The following PCDH15 variants were observed in gnomAD, a reference collection of about 807,000 sequenced individuals.
PCDH15 encodes protocadherin related 15, also known as protocadherin-15.
In PCDH15, 129 loss-of-function variants were observed where a neutral mutation model predicts 178.5. The ratio of observed to expected loss-of-function variants is 0.72; its 90% confidence interval spans 0.63 to 0.84. The LOEUF is 0.84. Ranked by LOEUF, PCDH15 falls within the 40% of genes least tolerant of loss-of-function variation. The pLI is 0.00. For missense variants in PCDH15, 2,230 were observed against 2,099.9 expected, an observed-to-expected ratio of 1.06 and a Z score of -1.21; for synonymous variants, 800 against 732.0, an observed-to-expected ratio of 1.09 and a Z score of -1.50.
At position 54,307,077 on chromosome 10, in the gene PCDH15, TATAC is replaced by T. The variant is rs1482741418; in HGVS notation, c.876+10190_876+10193del. 5.0e-3 allele frequency among the ~76,000 whole-genome samples: 48 copies of T among 9,690 alleles called. 3 individuals are homozygous for T. The highest frequency in any genetic ancestry group is 0.011 in the East Asian group (3 of 270). 6.4% of individuals were successfully genotyped at this position (9,690 alleles called of 152,430 possible). Reference sequence around the variant, plus strand: ...ATATATATATATATATATATATATATATACATATATATATATGTGTGTGTGTGTA... The same window carrying T: ...ATATATATATATATATATATATATATATATATATATATGTGTGTGTGTGTA... On this transcript the variant is annotated intron_variant, in intron 8 of 37. Coordinates refer to ENST00000644397, the MANE Select transcript of PCDH15 (RefSeq NM_001384140.1).
upstream of PCDH15, among the ~76,000 whole-genome samples, chr10:55,321,620 C>A (rs1470520219): frequency 6.6e-6 from 1 of 152,088 alleles, no homozygotes; most frequent in Non-Finnish European, 1.5e-5. Context: ...GGACTGGTCA[C>A]CTACAAAGGG....
intron 3 of PCDH15, among the ~76,000 whole-genome samples, chr10:54,411,511 T>G (rs1277950905): frequency 6.6e-6 from 1 of 152,166 alleles, no homozygotes; most frequent in Non-Finnish European, 1.5e-5. Flanking sequence ...AGAAGATTAC[T>G]TAGTCTCTCT....
chr10:54,719,343 C>A (rs567015708), intron 1 of PCDH15, among the ~76,000 whole-genome samples: 2 of 151,994 alleles, frequency 1.3e-5, no homozygotes, highest in African/African-American at 2.4e-5. Flanking sequence ...AAAAACTTAA[C>A]AAAGCCTTTG....
At chr10:55,357,335 T>A (rs12775735) in intron 2 of PCDH15, among the ~76,000 whole-genome samples, 1 of 151,716 alleles carries the variant, frequency 6.6e-6, no homozygotes, top group Non-Finnish European at 1.5e-5. Flanking sequence ...TTGGCCAAAC[T>A]TTTTAACAGA....
chr10:55,078,818 C>T (rs1331947889), intron 2 of PCDH15, among the ~76,000 whole-genome samples: 1 of 151,924 alleles, frequency 6.6e-6, no homozygotes, highest in Non-Finnish European at 1.5e-5. Context: ...TTATATCACT[C>T]TTATGCCTTT....
chr10:54,068,545 T>C (rs2094180068), intron 17 of PCDH15, among the ~76,000 whole-genome samples: 1 of 152,168 alleles, frequency 6.6e-6, no homozygotes, highest in Admixed American at 6.6e-5. Context: ...TACGAACTAC[T>C]GCTATAAGTA....
chr10:54,208,151 G>A (rs1324572310), intron 10 of PCDH15, among the ~76,000 whole-genome samples: 1 of 152,010 alleles, frequency 6.6e-6, no homozygotes, highest in Non-Finnish European at 1.5e-5. Context: ...TTCAGAAATT[G>A]TAATATTTGT....
rs779745851 is a variant in PCDH15 at position 54,590,107 on chromosome 10, A to ATTTATCTCC, written c.92-62231_92-62230insGGAGATAAA. 6.3e-3 allele frequency among the ~76,000 whole-genome samples: 965 copies of ATTTATCTCC among 152,292 alleles called. 3 individuals are homozygous for ATTTATCTCC. Among genetic ancestry groups the ATTTATCTCC allele is most frequent in the Middle Eastern group, 0.014 (4 of 294 alleles). On this transcript the variant is annotated intron_variant, in intron 2 of 37. Coordinates refer to ENST00000644397, the MANE Select transcript of PCDH15 (RefSeq NM_001384140.1). ...TTGGCTTTTATTTATCTCCAGATTA[A>ATTTATCTCC]AGTGTTATTAAGGATTAATTTAATG...
intron 2 of PCDH15, among the ~76,000 whole-genome samples, chr10:54,961,547 G>T (rs1020368995): frequency 6.6e-6 from 1 of 152,198 alleles, no homozygotes; most frequent in Non-Finnish European, 1.5e-5. Context: ...ACCCATGGCT[G>T]CCCATGGACC....
intron 2 of PCDH15, among the ~76,000 whole-genome samples, chr10:55,161,969 G>T (rs1032941677): frequency 6.6e-6 from 1 of 152,120 alleles, no homozygotes; most frequent in African/African-American, 2.4e-5. Flanking sequence ...CATGATAAAA[G>T]AAATACTTAA....
intron 17 of PCDH15, among the ~76,000 whole-genome samples, chr10:54,078,256 G>T (rs2094376624): frequency 6.6e-6 from 1 of 151,876 alleles, no homozygotes; most frequent in Admixed American, 6.6e-5. Context: ...TGGACAGACT[G>T]CAATTACCAA....
intron 2 of PCDH15, among the ~76,000 whole-genome samples, chr10:55,092,830 C>T (rs1220973588): frequency 6.6e-6 from 1 of 151,890 alleles, no homozygotes; most frequent in Non-Finnish European, 1.5e-5. Flanking sequence ...TCTAGACTCA[C>T]ATATTAAAAC....
chr10:55,409,290 C>T (rs1009907306), intron 2 of PCDH15, among the ~76,000 whole-genome samples: 12 of 152,170 alleles, frequency 7.9e-5, no homozygotes, highest in Admixed American at 3.3e-4. Context: ...ACTGTCTCCA[C>T]CTCATCTGAT....
At chr10:54,880,141 C>T (rs770922019) in intron 3 of PCDH15, among the ~76,000 whole-genome samples, 1 of 152,138 alleles carries the variant, frequency 6.6e-6, no homozygotes, top group Non-Finnish European at 1.5e-5. Context: ...TCATCATCAA[C>T]TACAGCTAAA....
At chr10:55,275,402 A>G (rs1352291085) in intron 1 of PCDH15, among the ~76,000 whole-genome samples, 1 of 151,922 alleles carries the variant, frequency 6.6e-6, no homozygotes, top group African/African-American at 2.4e-5. Context: ...ATTCTTCCCA[A>G]TATCTCTATT....
At chr10:54,713,867 G>A (rs2095450257) in intron 1 of PCDH15, among the ~76,000 whole-genome samples, 1 of 152,044 alleles carries the variant, frequency 6.6e-6, no homozygotes, top group Admixed American at 6.6e-5. Context: ...ACTCCATTTT[G>A]ACTTTTCCCT....
intron 3 of PCDH15, among the ~76,000 whole-genome samples, chr10:54,397,024 C>T (rs1951318558): frequency 6.6e-6 from 1 of 152,032 alleles, no homozygotes; most frequent in Non-Finnish European, 1.5e-5. Flanking sequence ...ATTTCTCAAC[C>T]ATTGTTTCTG....
At chr10:55,518,672 G>A (rs562105799) in intron 2 of PCDH15, among the ~76,000 whole-genome samples, 2 of 151,996 alleles carry the variant, frequency 1.3e-5, no homozygotes, top group East Asian at 2.0e-4. Context: ...CAGACTCAGG[G>A]GATATGCCTG....
chr10:54,097,827 T>A (rs1390293326), intron 15 of PCDH15, among the ~76,000 whole-genome samples: 1 of 152,136 alleles, frequency 6.6e-6, no homozygotes, highest in East Asian at 1.9e-4. Flanking sequence ...CTGTTTTCAC[T>A]GGGAGGCAGG....
Sources: allele counts gnomAD v4.1 joint callset (sites outside exome capture counted in the v4.1 genomes callset), GRCh38; gene constraint gnomAD v4.1.1; transcripts MANE v1.5; gene names NCBI Gene and HGNC (gene_info 2026-07-23, HGNC 2026-07-21).